The following MAST4 variants were observed in gnomAD, a reference collection of about 807,000 sequenced individuals.
MAST4 encodes microtubule associated serine/threonine kinase family member 4.
A neutral mutation model predicts 162.7 loss-of-function variants in MAST4; 89 were observed. That is an observed-to-expected ratio of 0.55 (90% CI 0.46 to 0.65). The LOEUF (loss-of-function observed/expected upper bound fraction) is 0.65. Ranked by LOEUF, MAST4 falls within the 30% of genes least tolerant of loss-of-function variation. The pLI, the probability that MAST4 is intolerant of heterozygous loss-of-function variation, is 0.00. For missense variants in MAST4, 3,153 were observed against 3,374.0 expected, an observed-to-expected ratio of 0.93 and a Z score of 1.62; for synonymous variants, 1,479 against 1,361.1, an observed-to-expected ratio of 1.09 and a Z score of -1.91.
chr5:66,922,992 A>G (rs1764642786), intron 4 of MAST4, among the ~76,000 whole-genome samples: 1 of 152,158 alleles, frequency 6.6e-6, no homozygotes, highest in Non-Finnish European at 1.5e-5. Flanking sequence ...ATAAGATCAC[A>G]TTTGTTAGGG....
At chr5:66,780,725 A>AT (rs1002058523) in intron 2 of MAST4, among the ~76,000 whole-genome samples, 10 of 151,986 alleles carry the variant, frequency 6.6e-5, no homozygotes. Flanking sequence ...TGATTTGTCC[A>AT]TTTTACAGAG....
At position 67,062,397 on chromosome 5, in the gene MAST4, A is replaced by C. The variant is rs148942206; in HGVS notation, c.763+7905A>C. Among the ~76,000 whole-genome samples the C allele has an allele frequency of 8.3e-3, 1,210 of 146,062 alleles. 10 individuals are homozygous for C. The highest frequency in any genetic ancestry group is 0.023 in the African/African-American group (920 of 39,524). On this transcript the variant is annotated intron_variant, in intron 5 of 28. Transcript: ENST00000403625. The stretch of plus-strand genomic sequence containing the variant: ...TGGGCGACAGAGCAAGATGGTCCCC[A>C]AAAAAAAAAATGTGAGGCTGGAGAC...
At chr5:66,862,406 G>A (rs1443718022) in intron 3 of MAST4, among the ~76,000 whole-genome samples, 4 of 152,098 alleles carry the variant, frequency 2.6e-5, no homozygotes, top group African/African-American at 7.2e-5. Context: ...CAGTATAATT[G>A]TGCTGTGTTT....
intron 1 of MAST4, among the ~76,000 whole-genome samples, chr5:66,605,384 G>A (rs550467526): frequency 1.6e-3 from 241 of 152,258 alleles, no homozygotes; most frequent in African/African-American, 5.6e-3. Flanking sequence ...TGACTTTCCC[G>A]TCCTCATGGC....
chr5:66,669,274 G>A (rs1561250376), intron 1 of MAST4, among the ~76,000 whole-genome samples: 1 of 152,146 alleles, frequency 6.6e-6, no homozygotes. Context: ...CAACAATCTC[G>A]AAATGTGCCA....
At chr5:66,986,283 G>A (rs1016702354) in intron 4 of MAST4, among the ~76,000 whole-genome samples, 26 of 152,138 alleles carry the variant, frequency 1.7e-4, no homozygotes, top group Admixed American at 1.5e-3. Context: ...AGTGTTAAGT[G>A]CAGAGTCTGG....
intron 4 of MAST4, among the ~76,000 whole-genome samples, chr5:66,992,107 T>G (rs1581128816): frequency 6.6e-6 from 1 of 152,226 alleles, no homozygotes; most frequent in African/African-American, 2.4e-5. Context: ...CAGTTTTCCA[T>G]GATGCCTGCA....
chr5:66,846,970 C>G (rs1758898834), intron 3 of MAST4, among the ~76,000 whole-genome samples: 2 of 152,180 alleles, frequency 1.3e-5, no homozygotes, highest in African/African-American at 4.8e-5. Context: ...CTCCCTGGCA[C>G]TCATTTCTCC....
intron 3 of MAST4, among the ~76,000 whole-genome samples, chr5:66,834,193 G>A (rs1757797290): frequency 1.3e-5 from 2 of 152,236 alleles, no homozygotes; most frequent in South Asian, 4.1e-4. Flanking sequence ...GTTGTAAAAA[G>A]GATGAGCAGG....
At chr5:66,822,483 T>C (rs1166961491) in intron 3 of MAST4, among the ~76,000 whole-genome samples, 1 of 152,190 alleles carries the variant, frequency 6.6e-6, no homozygotes, top group Non-Finnish European at 1.5e-5. Flanking sequence ...AAATGTGTTA[T>C]ATTTAGGACT....
chr5:66,736,738 G>A (rs1447205474), intron 1 of MAST4, among the ~76,000 whole-genome samples: 1 of 152,224 alleles, frequency 6.6e-6, no homozygotes, highest in Admixed American at 6.5e-5. Context: ...GTCATGAAGT[G>A]TGAAGCCTAG....
At chr5:66,749,517 T>G (rs924621240) in intron 1 of MAST4, among the ~76,000 whole-genome samples, 1 of 152,226 alleles carries the variant, frequency 6.6e-6, no homozygotes, top group Non-Finnish European at 1.5e-5. Context: ...GGTATGATTG[T>G]AAAGAGTTTA....
At chr5:66,764,401 C>T (rs1445528074) in intron 2 of MAST4, among the ~76,000 whole-genome samples, 1 of 152,166 alleles carries the variant, frequency 6.6e-6, no homozygotes, top group Non-Finnish European at 1.5e-5. Flanking sequence ...TGGTGAAGCC[C>T]AGAGACAAGG....
rs540406966 is a variant in MAST4, at chr5:66,778,774, C to G, written c.518-9896C>G. ...ATACCAAAAATTATTCTTAACACTGCAGCTCTGGTTCACAGTGGCAGTGGC... is the reference window on the plus strand; with the variant it reads ...ATACCAAAAATTATTCTTAACACTGGAGCTCTGGTTCACAGTGGCAGTGGC... On this transcript the variant is annotated intron_variant, in intron 2 of 28. Coordinates refer to ENST00000403625, the MANE Select transcript of MAST4 (RefSeq NM_001164664.2). 1.3e-3 allele frequency among the ~76,000 whole-genome samples: 200 copies of G among 152,300 alleles called. 1 individual carries two copies. Among genetic ancestry groups the G allele is most frequent in the African/African-American group, 4.6e-3 (192 of 41,570 alleles).
At chr5:66,747,927 GA>G (rs1752867972) in intron 1 of MAST4, among the ~76,000 whole-genome samples, 1 of 152,174 alleles carries the variant, frequency 6.6e-6, no homozygotes, top group African/African-American at 2.4e-5. Flanking sequence ...TATGAGTTCA[GA>G]ACTGCTGGTT....
intron 1 of MAST4, among the ~76,000 whole-genome samples, chr5:66,677,045 C>T (rs1041468842): frequency 1.3e-5 from 2 of 152,162 alleles, no homozygotes; most frequent in African/African-American, 4.8e-5. Flanking sequence ...GCATGATCAC[C>T]TTTCTCAATA....
At chr5:66,843,815 C>T (rs1758598763) in intron 3 of MAST4, among the ~76,000 whole-genome samples, 1 of 152,096 alleles carries the variant, frequency 6.6e-6, no homozygotes, top group Non-Finnish European at 1.5e-5. Flanking sequence ...GATACACAGC[C>T]AGGGTATATT....
At chr5:66,696,043 T>G (rs187321255) in intron 1 of MAST4, among the ~76,000 whole-genome samples, 1 of 152,204 alleles carries the variant, frequency 6.6e-6, no homozygotes, top group Non-Finnish European at 1.5e-5. Flanking sequence ...TGAGATCATG[T>G]TCTTTGCAGG....
At chr5:66,659,504 G>T (rs1439482274) in intron 1 of MAST4, among the ~76,000 whole-genome samples, 1 of 152,212 alleles carries the variant, frequency 6.6e-6, no homozygotes, top group Non-Finnish European at 1.5e-5. Flanking sequence ...TAAAAGATTT[G>T]TAGGCCAAAT....
Sources: allele counts gnomAD v4.1 joint callset (sites outside exome capture counted in the v4.1 genomes callset), GRCh38; gene constraint gnomAD v4.1.1; transcripts MANE v1.5; gene names NCBI Gene and HGNC (gene_info 2026-07-23, HGNC 2026-07-21).